SUPT3H: variants seen among roughly 807,000 people sequenced by gnomAD.
SUPT3H encodes the protein SPT3 homolog, SAGA and STAGA complex component.
Under a neutral mutation model 44.3 loss-of-function variants are expected in SUPT3H, and 44 were observed. That is an observed-to-expected ratio of 0.99 (90% CI 0.78 to 1.28). The LOEUF is 1.28. Among genes scored for constraint, SUPT3H ranks in the 50% most tolerant of loss-of-function variants. The pLI, the probability that SUPT3H is intolerant of heterozygous loss-of-function variation, is 0.00. For synonymous variants in SUPT3H, 124 were observed against 125.6 expected, an observed-to-expected ratio of 0.99 and a Z score of 0.09; for missense variants, 380 against 387.1, an observed-to-expected ratio of 0.98 and a Z score of 0.15.
At chr6:45,217,928 A>T (rs1219232585) in intron 2 of SUPT3H, among the ~76,000 whole-genome samples, 1 of 152,048 alleles carries the variant, frequency 6.6e-6, no homozygotes, top group African/African-American at 2.4e-5. Flanking sequence ...CATATATATG[A>T]AGCAAGGTGG....
At chr6:45,065,578 A>G (rs1275518875) in intron 3 of SUPT3H, among the ~76,000 whole-genome samples, 1 of 151,768 alleles carries the variant, frequency 6.6e-6, no homozygotes, top group East Asian at 1.9e-4. Flanking sequence ...CTAATAAAGA[A>G]AAAAAGAGAC....
Position 45,141,338 on chromosome 6 carries a change from C to CAAAAA in SUPT3H, c.102-35337_102-35333dup, listed in dbSNP as rs1162738855. 1.2e-3 allele frequency among the ~76,000 whole-genome samples: 55 copies of CAAAAA among 45,254 alleles called. 1 individual carries two copies. The highest frequency in any genetic ancestry group is 1.9e-3 in the African/African-American group (18 of 9,392). 29.7% of individuals were successfully genotyped at this position (45,254 alleles called of 152,430 possible). ...TGGGAGACAGAGCAAGACTCCATCTCAAAAAAAAAAAAAAAAAAAAAAAAA... is the reference window on the plus strand; with the variant it reads ...TGGGAGACAGAGCAAGACTCCATCTCAAAAAAAAAAAAAAAAAAAAAAAAAAAAAA... On this transcript the variant is annotated intron_variant, in intron 2 of 10. Transcript: ENST00000371459.
chr6:45,158,317 T>TTTA (rs1808348018), intron 2 of SUPT3H, among the ~76,000 whole-genome samples: 1 of 127,746 alleles, frequency 7.8e-6, no homozygotes, highest in African/African-American at 2.9e-5. Flanking sequence ...TTTTTTTTTT[T>TTTA]GAGATGGAGT....
chr6:45,189,844 G>T (rs1814847191), intron 2 of SUPT3H, among the ~76,000 whole-genome samples: 1 of 152,112 alleles, frequency 6.6e-6, no homozygotes, highest in Admixed American at 6.5e-5. Context: ...CAAGTTATAT[G>T]TAACACAATT....
At chr6:45,172,298 C>G (rs1810944074) in intron 2 of SUPT3H, among the ~76,000 whole-genome samples, 2 of 151,856 alleles carry the variant, frequency 1.3e-5, no homozygotes, top group African/African-American at 4.8e-5. Flanking sequence ...GTCTCGATCT[C>G]TGGACCTCAT....
intron 2 of SUPT3H, among the ~76,000 whole-genome samples, chr6:45,281,024 T>C (rs1562859510): frequency 6.6e-6 from 1 of 152,246 alleles, no homozygotes; most frequent in South Asian, 2.1e-4. Context: ...TTCAAAGTAA[T>C]AGTAATTAAC....
At chr6:45,317,253 GAAT>G (rs1784842895) in intron 2 of SUPT3H, among the ~76,000 whole-genome samples, 2 of 78,822 alleles carry the variant, frequency 2.5e-5, no homozygotes, top group Non-Finnish European at 5.6e-5. Context: ...AAAAAAAAAA[GAAT>G]ATTGTCAAAA....
At chr6:45,307,934 C>A (rs564592678) in intron 2 of SUPT3H, among the ~76,000 whole-genome samples, 1 of 152,302 alleles carries the variant, frequency 6.6e-6, no homozygotes, top group South Asian at 2.1e-4. Context: ...GAGCTGAAAA[C>A]CACGGCACGA....
chr6:45,120,969 T>C (rs1051919002), intron 2 of SUPT3H, among the ~76,000 whole-genome samples: 11 of 152,196 alleles, frequency 7.2e-5, no homozygotes, highest in African/African-American at 2.7e-4. Flanking sequence ...AACTTCATCA[T>C]ACTATTAATA....
intron 2 of SUPT3H, among the ~76,000 whole-genome samples, chr6:45,158,298 A>ATATATATATATATTTT: frequency 3.0e-5 from 3 of 99,694 alleles, no homozygotes; most frequent in African/African-American, 1.5e-4. Context: ...ATATATATAT[A>ATATATATATATATTTT]TTTTTTTTTT....
At chr6:45,083,224 C>T (rs1796051253) in intron 3 of SUPT3H, among the ~76,000 whole-genome samples, 1 of 151,196 alleles carries the variant, frequency 6.6e-6, no homozygotes, top group South Asian at 2.1e-4. Flanking sequence ...CGGAGTCTCA[C>T]TCTGTAGCCC....
intron 2 of SUPT3H, among the ~76,000 whole-genome samples, chr6:45,360,660 A>C (rs546936345): frequency 6.6e-6 from 1 of 152,374 alleles, no homozygotes; most frequent in South Asian, 2.1e-4. Flanking sequence ...ACACTGCAGC[A>C]ATGAATAAAT....
intron 2 of SUPT3H, among the ~76,000 whole-genome samples, chr6:45,184,370 G>T (rs1210374662): frequency 6.6e-6 from 1 of 152,100 alleles, no homozygotes; most frequent in Non-Finnish European, 1.5e-5. Flanking sequence ...TCTAACAGGG[G>T]AAATGGTAAT....
rs1158450699 is a variant in SUPT3H at position 45,097,717 on chromosome 6, T to A, written c.186+8205A>T. 4.6e-5 allele frequency: 7 copies of A among 152,344 alleles called. No individual in the cohort carries two copies. The South Asian group carries it at 1.4e-3, about 32-fold the overall frequency. The allele number at this position is 152,344 out of a possible 1,614,324, so 9.4% of individuals were successfully genotyped here. ...TTCTACAAAACAGTAACAACACTCA[T>A]GTTTCTTCTATCTCTAATGATAAAA... On this transcript the variant is annotated intron_variant, in intron 3 of 10. Coordinates refer to ENST00000371459, the MANE Select transcript of SUPT3H (RefSeq NM_003599.4).
At chr6:44,895,862 C>T (rs1310176624) in intron 10 of SUPT3H, among the ~76,000 whole-genome samples, 2 of 151,630 alleles carry the variant, frequency 1.3e-5, no homozygotes, top group East Asian at 1.9e-4. Flanking sequence ...AAGTAAGAAA[C>T]GTGTAGACAT....
chr6:45,292,656 A>G (rs1780493619), intron 2 of SUPT3H, among the ~76,000 whole-genome samples: 1 of 151,264 alleles, frequency 6.6e-6, no homozygotes. Flanking sequence ...TTTATGCAAA[A>G]GGACACCAAA....
At chr6:45,130,575 T>A (rs917884094) in intron 2 of SUPT3H, among the ~76,000 whole-genome samples, 1 of 151,820 alleles carries the variant, frequency 6.6e-6, no homozygotes, top group African/African-American at 2.4e-5. Flanking sequence ...TCCTACTGCA[T>A]TTTTACTGTA....
intron 3 of SUPT3H, among the ~76,000 whole-genome samples, chr6:45,101,825 G>C (rs1262134460): frequency 6.6e-6 from 1 of 152,078 alleles, no homozygotes; most frequent in Non-Finnish European, 1.5e-5. Flanking sequence ...ACCTGGCAGT[G>C]AGTTTCATTG....
intron 11 of SUPT3H, among the ~76,000 whole-genome samples, chr6:44,814,151 A>G (rs1168746053): frequency 3.3e-5 from 5 of 152,238 alleles, no homozygotes; most frequent in Admixed American, 3.3e-4. Flanking sequence ...ACAGAGGCCA[A>G]AAGAGAAGGA....
Sources: gnomAD v4.1 joint callset for allele counts (sites outside exome capture counted in the v4.1 genomes callset) on GRCh38, gnomAD v4.1.1 for gene constraint, MANE v1.5 for transcripts, NCBI Gene and HGNC (gene_info 2026-07-23, HGNC 2026-07-21) for gene names.